The following UNC5B variants were observed in gnomAD, a reference collection of about 807,000 sequenced individuals.
UNC5B encodes the protein unc-5 netrin receptor B.
A neutral mutation model predicts 103.7 loss-of-function variants in UNC5B; 56 were observed. That is an observed-to-expected ratio of 0.54 (90% CI 0.44 to 0.67). The LOEUF (loss-of-function observed/expected upper bound fraction) is 0.67. Among genes scored for constraint, UNC5B ranks in the 30% least tolerant of loss-of-function variants. The probability of loss-of-function intolerance (pLI) is 0.00; values close to 1 mark genes in which losing one functional copy is unlikely to be tolerated. For synonymous variants in UNC5B, 577 were observed against 542.0 expected, an observed-to-expected ratio of 1.06 and a Z score of -0.90; for missense variants, 1,194 against 1,284.5, an observed-to-expected ratio of 0.93 and a Z score of 1.08.
chr10:71,248,595 C>G (rs75575806), intron 1 of UNC5B, among the ~76,000 whole-genome samples: 1 of 152,170 alleles, frequency 6.6e-6, no homozygotes, highest in Non-Finnish European at 1.5e-5. Flanking sequence ...AATGGACACA[C>G]GGTTAGTGTA....
chr10:71,279,232 G>A (rs956931542), intron 1 of UNC5B, among the ~76,000 whole-genome samples: 2 of 152,228 alleles, frequency 1.3e-5, no homozygotes, highest in Non-Finnish European at 2.9e-5. Context: ...TCCCCTGGGA[G>A]AGGAGACCTG....
chr10:71,244,591 C>T (rs1300498088), intron 1 of UNC5B, among the ~76,000 whole-genome samples: 3 of 152,238 alleles, frequency 2.0e-5, no homozygotes, highest in East Asian at 1.9e-4. Context: ...TGAGGCTAGC[C>T]GGGGAGCAGG....
intron 1 of UNC5B, 97 bp from the exon 2 acceptor site, chr10:71,279,722 CCT>C: frequency 7.5e-7 from 1 of 1,337,894 alleles, no homozygotes; most frequent in Non-Finnish European, 1.0e-6. Flanking sequence ...CTCTGCCTCC[CCT>C]GTCCTCTTCG....
chr10:71,293,373 C>G, intron 11 of UNC5B, 32 bp from the exon 12 acceptor site: 1 of 1,584,088 alleles, frequency 6.3e-7, no homozygotes, highest in Non-Finnish European at 8.6e-7. Context: ...GAGCTCTTCA[C>G]TGCCTCTCTC....
intron 1 of UNC5B, among the ~76,000 whole-genome samples, chr10:71,220,442 AC>A (rs1036364058): frequency 6.6e-6 from 1 of 151,670 alleles, no homozygotes; most frequent in Non-Finnish European, 1.5e-5. Flanking sequence ...ACCTCTGGGA[AC>A]CCCCAGCTGC....
rs560223402 is a variant in UNC5B, at chr10:71,291,649, G to T, written c.1512G>T (p.Gly504=). ...TGGCAGATGGGGCTGACCTGCTGGG[G>T]GTCTTGCCGCCTGGCACATACCCTA... ...PGLADGADLL[G]VLPPGTYPSD... is the part of the protein sequence containing the mutation. Residue 504 remains glycine, a synonymous_variant, in exon 10 of 17, where the codon GGG becomes GGT. Coordinates refer to ENST00000335350, the MANE Select transcript of UNC5B (RefSeq NM_170744.5). The T allele has an allele frequency of 2.5e-6, 4 of 1,613,874 alleles. No individual in the cohort carries two copies. Among genetic ancestry groups the T allele is most frequent in the South Asian group, 2.2e-5 (2 of 91,082 alleles).
At chr10:71,271,321 C>T (rs554616095) in intron 1 of UNC5B, among the ~76,000 whole-genome samples, 7 of 152,362 alleles carry the variant, frequency 4.6e-5, no homozygotes, top group African/African-American at 1.7e-4. Flanking sequence ...CTCGTTGGAA[C>T]ACACAGGATT....
chr10:71,263,554 C>G (rs773399331), intron 1 of UNC5B, among the ~76,000 whole-genome samples: 1 of 152,184 alleles, frequency 6.6e-6, no homozygotes, highest in Admixed American at 6.5e-5. Context: ...AGAGCCAGCC[C>G]CCAGCCCCCA....
At chr10:71,275,258 G>GA (rs1844742104) in intron 1 of UNC5B, among the ~76,000 whole-genome samples, 1 of 152,320 alleles carries the variant, frequency 6.6e-6, no homozygotes, top group Admixed American at 6.5e-5. Flanking sequence ...CTACTCTTGG[G>GA]AAAAAACACT....
intron 1 of UNC5B, among the ~76,000 whole-genome samples, chr10:71,227,984 AAC>A (rs1843608675): frequency 1.3e-5 from 2 of 152,176 alleles, no homozygotes; most frequent in Admixed American, 6.5e-5. Context: ...CTGTAATTAA[AAC>A]AGTGTGCTTA....
Position 71,213,899 on chromosome 10 carries a change from C to A in UNC5B, c.79+835C>A, listed in dbSNP as rs1402727320. 6.6e-6 allele frequency among the ~76,000 whole-genome samples: 1 copy of A among 151,894 alleles called. No homozygotes were observed. The highest frequency in any genetic ancestry group is 2.1e-4 in the South Asian group (1 of 4,794). ...CGCTCTGGACCCACCAAGATGACTT[C>A]AGCGAACTGGTGGGCTCCGAAATAA... On this transcript the variant is annotated intron_variant, in intron 1 of 16. Transcript: ENST00000335350. This position sits in a 1 kb window ranked among gnomAD's most constrained non-coding sequence, Gnocchi z 4.1.
chr10:71,220,714 C>T (rs963828114), intron 1 of UNC5B, among the ~76,000 whole-genome samples: 4 of 152,134 alleles, frequency 2.6e-5, no homozygotes, highest in East Asian at 1.9e-4. Context: ...GCACAGTGCC[C>T]GGCACACAGT....
intron 10 of UNC5B, among the ~76,000 whole-genome samples, chr10:71,292,109 C>T (rs1012731363): frequency 1.3e-5 from 2 of 152,212 alleles, no homozygotes; most frequent in African/African-American, 4.8e-5. Context: ...GTTCAGCAGA[C>T]CTACAAAGCA....
chr10:71,266,437 G>C (rs1221968535), intron 1 of UNC5B, among the ~76,000 whole-genome samples: 2 of 152,286 alleles, frequency 1.3e-5, no homozygotes, highest in East Asian at 3.9e-4. Flanking sequence ...TCACTCAGAG[G>C]ACATGGGGAG....
intron 1 of UNC5B, among the ~76,000 whole-genome samples, chr10:71,272,708 G>A (rs1381778515): frequency 6.6e-6 from 1 of 152,140 alleles, no homozygotes; most frequent in Non-Finnish European, 1.5e-5. Flanking sequence ...GGTAGAACGC[G>A]GGGCTCCAAG....
chr10:71,260,220 C>T (rs1247660067), intron 1 of UNC5B, among the ~76,000 whole-genome samples: 1 of 152,236 alleles, frequency 6.6e-6, no homozygotes, highest in Non-Finnish European at 1.5e-5. Context: ...GCTTGAGAAA[C>T]CACACCTGAG....
chr10:71,264,737 C>G (rs1014523838), intron 1 of UNC5B, among the ~76,000 whole-genome samples: 1 of 152,144 alleles, frequency 6.6e-6, no homozygotes, highest in African/African-American at 2.4e-5. Flanking sequence ...CCACCCCACA[C>G]CGACTGAATC....
chr10:71,262,076 G>A (rs77080751), intron 1 of UNC5B, among the ~76,000 whole-genome samples: 9,518 of 152,136 alleles, frequency 0.063, 591 homozygotes, highest in Admixed American at 0.17. Flanking sequence ...CAACTCTCCC[G>A]AGACCGCAGC....
intron 1 of UNC5B, among the ~76,000 whole-genome samples, chr10:71,244,155 T>TA (rs1395808245): frequency 6.6e-6 from 1 of 152,250 alleles, no homozygotes; most frequent in Non-Finnish European, 1.5e-5. Flanking sequence ...CCTGCCCTCT[T>TA]AGTCTCCTTG....
Sources: allele counts gnomAD v4.1 joint callset (sites outside exome capture counted in the v4.1 genomes callset), GRCh38; gene constraint gnomAD v4.1.1; non-coding constraint Gnocchi (gnomAD v3.1); transcripts MANE v1.5; gene names NCBI Gene and HGNC (gene_info 2026-07-23, HGNC 2026-07-21).